Variants in SDK2 observed in about 807,000 individuals in gnomAD.
The protein encoded by SDK2 is protein sidekick-2.
SDK2 carries 105 observed loss-of-function variants against 253.9 expected under a neutral mutation model. The ratio of observed to expected loss-of-function variants is 0.41; its 90% CI spans 0.35 to 0.49. The LOEUF is 0.49. Among genes scored for constraint, SDK2 ranks in the 20% least tolerant of loss-of-function variants. SDK2 has a pLI of 0.06. For missense variants in SDK2, 2,608 were observed against 3,003.0 expected, an observed-to-expected ratio of 0.87 and a Z score of 3.07; for synonymous variants, 1,249 against 1,234.9, an observed-to-expected ratio of 1.01 and a Z score of -0.24.
intron 4 of SDK2, among the ~76,000 whole-genome samples, chr17:73,450,642 T>C (rs2063484575): frequency 6.6e-6 from 1 of 152,210 alleles, no homozygotes; most frequent in South Asian, 2.1e-4. Context: ...TCTTTCTTGA[T>C]CAGGAAGGCT....
intron 1 of SDK2, among the ~76,000 whole-genome samples, chr17:73,599,073 T>C (rs930968802): frequency 6.6e-6 from 1 of 152,244 alleles, no homozygotes; most frequent in African/African-American, 2.4e-5. Flanking sequence ...ACCCCTTTTC[T>C]TGTTTTTCCA....
At position 73,361,793 on chromosome 17, in the gene SDK2, C is replaced by T. The variant is rs1458359840; in HGVS notation, c.5358G>A (p.Leu1786=). 1 of 1,610,016 alleles carries T rather than the reference C, an allele frequency of 6.2e-7. No individual in the cohort carries two copies. The highest frequency in any genetic ancestry group is 8.5e-7 in the Non-Finnish European group (1 of 1,178,112). ...CCCCCTCCGCCAGGTCCTTCACCTT[C>T]AGCCACAGGGGGCTGTTCCCCTTCA... ...VDVKGNSPLW[L]KVKDLAEGVT... is the part of the protein sequence containing the mutation. Residue 1786 remains leucine, a synonymous_variant, in exon 39 of 45, where the codon CTG becomes CTA. Coordinates refer to ENST00000392650, the MANE Select transcript of SDK2 (RefSeq NM_001144952.2). This position sits in a 1 kb window ranked among gnomAD's most constrained non-coding sequence, Gnocchi z 4.1.
chr17:73,555,718 A>G (rs981689739), intron 1 of SDK2, among the ~76,000 whole-genome samples: 4 of 152,228 alleles, frequency 2.6e-5, no homozygotes, highest in Non-Finnish European at 4.4e-5. Context: ...AAGACCACAT[A>G]AGCAGCAGAT....
Position 73,570,741 on chromosome 17 carries a change from GTC to G in SDK2, c.65-63146_65-63145del, listed in dbSNP as rs1246872611. Among the ~76,000 whole-genome samples, 1 of 152,228 alleles carries G rather than the reference GTC, an allele frequency of 6.6e-6. No individual in the cohort carries two copies. ...CAGAACTCATATCAAAGCCAGGTCA[GTC>G]TCTAACACCGGAGCCCTTTGGAGGG... On this transcript the variant is annotated intron_variant, in intron 1 of 44. Transcript: ENST00000392650. This position sits in a 1 kb window ranked among gnomAD's most constrained non-coding sequence, Gnocchi z 4.2.
chr17:73,384,081 C>T (rs2062853539), intron 32 of SDK2, 70 bp from the exon 33 acceptor site: 3 of 1,520,686 alleles, frequency 2.0e-6, no homozygotes, highest in Non-Finnish European at 2.7e-6. Context: ...GCTCTCTCAT[C>T]ATGCCTCCTG....
chr17:73,543,254 G>C (rs920586127), intron 1 of SDK2, among the ~76,000 whole-genome samples: 15 of 152,056 alleles, frequency 9.9e-5, no homozygotes, highest in Non-Finnish European at 1.6e-4. Flanking sequence ...AGGCTGGAGT[G>C]GGATGGCCTG....
At chr17:73,552,820 G>A (rs920046273) in intron 1 of SDK2, among the ~76,000 whole-genome samples, 6 of 152,190 alleles carry the variant, frequency 3.9e-5, no homozygotes, top group Non-Finnish European at 8.8e-5. Context: ...TGCACTTCTC[G>A]CTCTGGCTTC....
intron 1 of SDK2, among the ~76,000 whole-genome samples, chr17:73,515,990 T>C (rs1478122830): frequency 6.6e-6 from 1 of 152,104 alleles, no homozygotes; most frequent in Non-Finnish European, 1.5e-5. Context: ...GGTGACCACA[T>C]AGGAAGGAGA....
At chr17:73,365,718 C>T (rs747086135) in intron 37 of SDK2, among the ~76,000 whole-genome samples, 2 of 152,132 alleles carry the variant, frequency 1.3e-5, no homozygotes, top group African/African-American at 2.4e-5. Context: ...GTCACACCCC[C>T]GGGGTCATCG....
At chr17:73,391,808 C>T (rs1257769308) in intron 27 of SDK2, among the ~76,000 whole-genome samples, 1 of 152,238 alleles carries the variant, frequency 6.6e-6, no homozygotes, top group Non-Finnish European at 1.5e-5. Flanking sequence ...GTATACACGC[C>T]CCAGAACCGG....
rs2063364822 is a variant in SDK2 at position 73,435,933 on chromosome 17, G to A, written c.1001-289C>T. ...TTTATTCTATTTTTTATTTCTATTT[G>A]TGTAGAGATGGAGTCTTGCTAGGTT... is the stretch of plus-strand genomic sequence containing the variant. On this transcript the variant is annotated intron_variant, in intron 8 of 44. Transcript: ENST00000392650. This position sits in a 1 kb window ranked among gnomAD's most constrained non-coding sequence, Gnocchi z 5.7. 6.6e-6 allele frequency among the ~76,000 whole-genome samples: 1 copy of A among 152,122 alleles called. No homozygotes were observed. The highest frequency in any genetic ancestry group is 2.1e-4 in the South Asian group (1 of 4,824).
intron 1 of SDK2, among the ~76,000 whole-genome samples, chr17:73,551,029 G>A (rs947247595): frequency 2.6e-5 from 4 of 152,174 alleles, no homozygotes; most frequent in African/African-American, 7.2e-5. Context: ...GCTGACCGGG[G>A]AGCCTGGGAA....
At chr17:73,594,959 C>T (rs566612234) in intron 1 of SDK2, among the ~76,000 whole-genome samples, 26 of 152,130 alleles carry the variant, frequency 1.7e-4, no homozygotes, top group Non-Finnish European at 2.9e-4. Flanking sequence ...TACAACAGGC[C>T]TCACTACCTG....
intron 1 of SDK2, among the ~76,000 whole-genome samples, chr17:73,548,348 C>T (rs551796696): frequency 6.6e-6 from 1 of 152,314 alleles, no homozygotes; most frequent in Admixed American, 6.5e-5. Context: ...GCTGGTGGTG[C>T]GACCTGTGCC....
intron 1 of SDK2, among the ~76,000 whole-genome samples, chr17:73,602,005 A>G (rs2045848703): frequency 1.3e-5 from 2 of 152,186 alleles, no homozygotes; most frequent in Admixed American, 6.5e-5. Flanking sequence ...TGGCCTCCCA[A>G]AGTGCTGGGA....
intron 1 of SDK2, among the ~76,000 whole-genome samples, chr17:73,606,668 G>A (rs984101733): frequency 6.6e-5 from 10 of 152,118 alleles, no homozygotes; most frequent in African/African-American, 2.4e-4. Context: ...TCCCTGCAGA[G>A]CCTGTTTTCT....
At chr17:73,448,642 G>C (rs1373028472) in intron 4 of SDK2, among the ~76,000 whole-genome samples, 2 of 151,596 alleles carry the variant, frequency 1.3e-5, no homozygotes, top group Non-Finnish European at 2.9e-5. Context: ...GGGATTACAG[G>C]CGTGAGCCAC....
At chr17:73,472,310 C>T in intron 2 of SDK2, 92 bp from the exon 3 acceptor site, 1 of 825,484 alleles carries the variant, frequency 1.2e-6, no homozygotes, top group East Asian at 2.7e-5. Context: ...GTCGCCAGGT[C>T]ACCCTCTTTT....
intron 40 of SDK2, 71 bp downstream of exon 40, chr17:73,358,008 C>A: frequency 6.2e-7 from 1 of 1,604,808 alleles, no homozygotes; most frequent in South Asian, 1.1e-5. Flanking sequence ...GGCAAGTGCC[C>A]CAAGTGGAGG....
Sources: gnomAD v4.1 joint callset for allele counts (sites outside exome capture counted in the v4.1 genomes callset) on GRCh38, gnomAD v4.1.1 for gene constraint, Gnocchi (gnomAD v3.1) non-coding constraint, MANE v1.5 for transcripts, NCBI Gene and HGNC (gene_info 2026-07-23, HGNC 2026-07-21) for gene names.